Variants in BLTP1 observed in about 807,000 individuals in gnomAD.
BLTP1 encodes the protein fragile site-associated protein.
chr4:122,262,983 G>A, the BLTP1 span: 1 of 1,612,544 alleles, frequency 6.2e-7, no homozygotes, highest in Non-Finnish European at 8.5e-7. Context: ...AACGAGAACA[G>A]GTACGTCCTC....
At chr4:122,258,763 T>G in the BLTP1 span, 1 of 1,614,050 alleles carries the variant, frequency 6.2e-7, no homozygotes, top group East Asian at 2.2e-5. Flanking sequence ...ACCTGGTAGC[T>G]CTGGACCTGT....
At chr4:122,320,629 T>C in the BLTP1 span, among the ~76,000 whole-genome samples, 4 of 152,196 alleles carry the variant, frequency 2.6e-5, no homozygotes, top group African/African-American at 9.6e-5. Context: ...AGTGATAGGA[T>C]GGTATATTTT....
the BLTP1 span, chr4:122,197,873 T>G: frequency 1.5e-6 from 1 of 678,514 alleles, no homozygotes; most frequent in Non-Finnish European, 1.8e-6. Flanking sequence ...ATAAATACTT[T>G]TTGTTAAATT....
At chr4:122,301,113 T>G in the BLTP1 span, 1 of 745,978 alleles carries the variant, frequency 1.3e-6, no homozygotes, top group African/African-American at 1.9e-5. Flanking sequence ...TATTAATAAA[T>G]GTCTACATAT....
the BLTP1 span, chr4:122,185,917 A>G: frequency 3.8e-6 from 3 of 787,690 alleles, no homozygotes; most frequent in Non-Finnish European, 1.8e-6. Flanking sequence ...GCTTCTCTGT[A>G]TCATGGAATT....
the BLTP1 span, chr4:122,346,576 T>C: frequency 6.3e-7 from 1 of 1,592,414 alleles, no homozygotes; most frequent in Middle Eastern, 1.8e-4. Context: ...TGTGAAAACA[T>C]TAAAGGTTTT....
At chr4:122,274,521 G>A in the BLTP1 span, 6 of 1,526,094 alleles carry the variant, frequency 3.9e-6, no homozygotes, top group Non-Finnish European at 5.2e-6. Flanking sequence ...GAATTTTGAG[G>A]TTTGTATATA....
the BLTP1 span, chr4:122,172,978 G>A: frequency 6.3e-7 from 1 of 1,592,782 alleles, no homozygotes; most frequent in Non-Finnish European, 8.6e-7. Flanking sequence ...AATTGTAAGA[G>A]GACACATTAC....
At chr4:122,279,552 C>T in the BLTP1 span, among the ~76,000 whole-genome samples, 1 of 152,052 alleles carries the variant, frequency 6.6e-6, no homozygotes, top group South Asian at 2.1e-4. Flanking sequence ...CTTCTTGGTA[C>T]TTTAAAGAAG....
the BLTP1 span, chr4:122,238,185 C>T: frequency 6.2e-7 from 1 of 1,613,902 alleles, no homozygotes; most frequent in Non-Finnish European, 8.5e-7. Context: ...CTTCAAGTAC[C>T]ATTACGATCT....
the BLTP1 span, chr4:122,349,779 CG>C: frequency 1.3e-6 from 2 of 1,565,210 alleles, no homozygotes; most frequent in South Asian, 1.2e-5. This position sits in a 1 kb window ranked among gnomAD's most constrained non-coding sequence, Gnocchi z 4.5. Flanking sequence ...AAAAGCTGGG[CG>C]GGGGAAGAAA....
chr4:122,220,233 CAA>C, the BLTP1 span: 1 of 1,302,402 alleles, frequency 7.7e-7, no homozygotes, highest in Non-Finnish European at 1.1e-6. Flanking sequence ...TTTTGAAAAA[CAA>C]ATTCTCTTAA....
At chr4:122,181,287 G>T in the BLTP1 span, 1 of 943,618 alleles carries the variant, frequency 1.1e-6, no homozygotes, top group East Asian at 1.2e-4. Context: ...ATCTAAATGT[G>T]CTCCTGGCGC....
the BLTP1 span, among the ~76,000 whole-genome samples, chr4:122,211,275 G>A: frequency 1.3e-5 from 2 of 152,220 alleles, no homozygotes; most frequent in African/African-American, 4.8e-5. Flanking sequence ...ATTAAAAATA[G>A]TACTCCTCAG....
the BLTP1 span, chr4:122,276,546 C>A: frequency 1.0e-6 from 1 of 985,108 alleles, no homozygotes; most frequent in Non-Finnish European, 1.2e-6. Flanking sequence ...ATGCTGTTCA[C>A]ATCTAGAGAG....
chr4:122,284,753 T>C, the BLTP1 span, among the ~76,000 whole-genome samples: 1 of 152,200 alleles, frequency 6.6e-6, no homozygotes, highest in Non-Finnish European at 1.5e-5. Flanking sequence ...TTCTATTTTG[T>C]TATCGTTGTT....
the BLTP1 span, chr4:122,161,121 T>A: frequency 1.0e-6 from 1 of 983,932 alleles, no homozygotes; most frequent in Non-Finnish European, 1.2e-6. Context: ...AGGAGAGCTC[T>A]AAAGTTGGTT....
chr4:122,203,439 T>G, the BLTP1 span, among the ~76,000 whole-genome samples: 2 of 151,800 alleles, frequency 1.3e-5, no homozygotes. Context: ...ACCAATTGAT[T>G]GATGTATTAT....
At chr4:122,328,226 A>G in the BLTP1 span, 1 of 1,611,434 alleles carries the variant, frequency 6.2e-7, no homozygotes. Context: ...GAGGCTTTTC[A>G]CCAGGCATTC....
Sources: allele counts gnomAD v4.1 joint callset (sites outside exome capture counted in the v4.1 genomes callset), GRCh38; gene constraint gnomAD v4.1.1; non-coding constraint Gnocchi (gnomAD v3.1); transcripts MANE v1.5; gene names NCBI Gene and HGNC (gene_info 2026-07-23, HGNC 2026-07-21).